ADGRG6: variants seen among roughly 807,000 people sequenced by gnomAD.
ADGRG6 encodes the protein G-protein coupled receptor 126.
In ADGRG6, 84 loss-of-function variants were observed where a neutral mutation model predicts 142.4. That is an observed-to-expected ratio of 0.59 (90% CI 0.49 to 0.71). The LOEUF is 0.71. Ranked by LOEUF, ADGRG6 falls within the 30% of genes least tolerant of loss-of-function variation. The pLI is 0.00. For missense variants in ADGRG6, 1,367 were observed against 1,466.6 expected (o/e 0.93, Z 1.11); for synonymous variants, 521 against 520.5 (o/e 1.00, Z -0.01).
intron 22 of ADGRG6, among the ~76,000 whole-genome samples, chr6:142,422,587 C>T: frequency 1.3e-5 from 2 of 151,532 alleles, no homozygotes; most frequent in Non-Finnish European, 2.9e-5. Context: ...GGGTTGGTTC[C>T]AAGTCTTTGC....
At chr6:142,319,415 G>A (rs1778410752) in intron 2 of ADGRG6, among the ~76,000 whole-genome samples, 1 of 152,146 alleles carries the variant, frequency 6.6e-6, no homozygotes, top group African/African-American at 2.4e-5. Flanking sequence ...GCTTAAGGGT[G>A]AAATTGTGTG....
intron 2 of ADGRG6, among the ~76,000 whole-genome samples, chr6:142,314,981 T>TGTGTGTGTGTGTGTGTGTGTGA (rs1562303361): frequency 6.6e-6 from 1 of 151,032 alleles, no homozygotes; most frequent in East Asian, 2.0e-4. Flanking sequence ...AGTGTGTGTG[T>TGTGTGTGTGTGTGTGTGTGTGA]GTGTGTGTGT....
chr6:142,320,307 T>A (rs1443794935), intron 2 of ADGRG6, among the ~76,000 whole-genome samples: 1 of 152,052 alleles, frequency 6.6e-6, no homozygotes, highest in East Asian at 1.9e-4. Flanking sequence ...AATGTGCCTT[T>A]GAGAAAATAC....
chr6:142,393,005 G>A lies in ADGRG6; in HGVS notation c.1361+5G>A. On this transcript the variant is annotated splice_donor_5th_base_variant and intron_variant, in intron 8 of 24. Coordinates refer to ENST00000367609, the MANE Select transcript of ADGRG6 (RefSeq NM_198569.3). Reference sequence around the variant, plus strand: ...GGTTTATGTCGTTAATATCAGGTAAGACAGAATAAATTATTTGATAAATTA... The same window carrying A: ...GGTTTATGTCGTTAATATCAGGTAAAACAGAATAAATTATTTGATAAATTA... 6.9e-7 allele frequency: 1 copy of A among 1,459,478 alleles called. No homozygotes were observed. The highest frequency in any genetic ancestry group is 1.2e-5 in the South Asian group (1 of 86,316). The allele number at this position is 1,459,478 out of a possible 1,614,324, so 90.4% of individuals were successfully genotyped here.
chr6:142,402,752 C>A lies in ADGRG6; in HGVS notation c.1877C>A (p.Thr626Lys), dbSNP rs1188797700. ...AATAAAGAAGAAAACATTGATATAACACTTGGCTCAACTCTAATGAATATA... is the reference window on the plus strand; with the variant it reads ...AATAAAGAAGAAAACATTGATATAAAACTTGGCTCAACTCTAATGAATATA... Reference protein sequence around the residue: ...IVNKEENIDITLGSTLMNIFS... With the variant: ...IVNKEENIDIKLGSTLMNIFS... Residue 626 changes from threonine to lysine, a missense_variant, in exon 13 of 25, where the codon ACA (threonine) becomes AAA (lysine). This residue lies in a region of ADGRG6 where 737 missense variants were observed against 746.5 expected (regional missense o/e 0.99). Coordinates refer to ENST00000367609, the MANE Select transcript of ADGRG6 (RefSeq NM_198569.3). The A allele has an allele frequency of 6.3e-7, 1 of 1,598,382 alleles. No individual in the cohort carries two copies. Among genetic ancestry groups the A allele is most frequent in the Non-Finnish European group, 8.6e-7 (1 of 1,166,444 alleles).
At chr6:142,340,229 T>C (rs919978184) in intron 2 of ADGRG6, among the ~76,000 whole-genome samples, 1 of 152,148 alleles carries the variant, frequency 6.6e-6, no homozygotes, top group Non-Finnish European at 1.5e-5. Context: ...CAAGTTATTT[T>C]GCAAGAAAGA....
intron 12 of ADGRG6, 67 bp from the exon 13 acceptor site, chr6:142,402,553 G>T: frequency 1.2e-6 from 1 of 818,442 alleles, no homozygotes; most frequent in Admixed American, 2.3e-5. Flanking sequence ...ACTCTACTTT[G>T]GATTCCTGGA....
At chr6:142,334,601 T>C (rs1213799746) in intron 2 of ADGRG6, among the ~76,000 whole-genome samples, 1 of 152,164 alleles carries the variant, frequency 6.6e-6, no homozygotes, top group Non-Finnish European at 1.5e-5. Context: ...CCCAAAGTAA[T>C]GAGCTTCCTG....
At chr6:142,390,089 T>G (rs1487607581) in intron 6 of ADGRG6, among the ~76,000 whole-genome samples, 169 bp from the exon 7 acceptor site, 1 of 151,828 alleles carries the variant, frequency 6.6e-6, no homozygotes. Context: ...TTTCAGAACT[T>G]TTTTTGCCTA....
intron 2 of ADGRG6, among the ~76,000 whole-genome samples, chr6:142,336,357 A>G (rs533865839): frequency 5.9e-5 from 9 of 152,324 alleles, no homozygotes; most frequent in African/African-American, 1.9e-4. Context: ...ATTTTTGTTT[A>G]GTAATTCAGA....
At chr6:142,304,445 A>G (rs971682298) in intron 1 of ADGRG6, among the ~76,000 whole-genome samples, 1 of 152,184 alleles carries the variant, frequency 6.6e-6, no homozygotes, top group Non-Finnish European at 1.5e-5. Context: ...TTTATGGCTT[A>G]TATAAATTAC....
intron 2 of ADGRG6, among the ~76,000 whole-genome samples, chr6:142,317,193 A>G (rs536052834): frequency 3.5e-4 from 53 of 152,192 alleles, no homozygotes; most frequent in African/African-American, 1.2e-3. Flanking sequence ...ATTACTTCTC[A>G]TCATCTGACT....
At chr6:142,315,283 C>A (rs1425362697) in intron 2 of ADGRG6, among the ~76,000 whole-genome samples, 3 of 151,806 alleles carry the variant, frequency 2.0e-5, no homozygotes, top group Non-Finnish European at 4.4e-5. Flanking sequence ...AGAATATGTG[C>A]TCTTTGGCAC....
intron 2 of ADGRG6, among the ~76,000 whole-genome samples, chr6:142,331,034 C>T (rs903569888): frequency 2.6e-5 from 4 of 151,666 alleles, no homozygotes; most frequent in African/African-American, 9.7e-5. Context: ...CTGAAGTCAC[C>T]GACTGGGGCC....
intron 2 of ADGRG6, among the ~76,000 whole-genome samples, chr6:142,340,019 G>T (rs9403381): frequency 0.35 from 53,328 of 151,852 alleles, 10,231 homozygotes; most frequent in African/African-American, 0.52. Context: ...AATTAGATAG[G>T]GCTAAGCTAC....
At chr6:142,329,998 C>G (rs1173169654) in intron 2 of ADGRG6, among the ~76,000 whole-genome samples, 2 of 152,026 alleles carry the variant, frequency 1.3e-5, no homozygotes, top group African/African-American at 4.8e-5. Flanking sequence ...TTAGTCTCTA[C>G]TAGGCTCTGG....
At chr6:142,336,312 A>G (rs1779313457) in intron 2 of ADGRG6, among the ~76,000 whole-genome samples, 1 of 152,222 alleles carries the variant, frequency 6.6e-6, no homozygotes, top group African/African-American at 2.4e-5. Context: ...TCTCTGAAAT[A>G]CTGTTATGTG....
chr6:142,370,474 T>C lies in ADGRG6; in HGVS notation c.750T>C (p.Phe250=). ...KEKEDIFAES[F]EQLCLVWNNS... Reference sequence around the variant, plus strand: ...AAGAAGACATTTTTGCAGAAAGCTTTGAACAGCTCTGCCTTGTTTGGAATA... The same window carrying C: ...AAGAAGACATTTTTGCAGAAAGCTTCGAACAGCTCTGCCTTGTTTGGAATA... Residue 250 remains phenylalanine (F), a synonymous_variant, in exon 4 of 25, where the codon TTT becomes TTC. Transcript: ENST00000367609. 6.2e-7 allele frequency: 1 copy of C among 1,613,314 alleles called. No homozygotes were observed. Among genetic ancestry groups the C allele is most frequent in the Non-Finnish European group, 8.5e-7 (1 of 1,179,262 alleles).
chr6:142,370,862 A>G (rs1781212045), intron 4 of ADGRG6, 69 bp downstream of exon 4: 1 of 1,424,242 alleles, frequency 7.0e-7, no homozygotes, highest in African/African-American at 1.4e-5. Context: ...TTGTCAACAA[A>G]GAATTATACA....
Sources: allele counts gnomAD v4.1 joint callset (sites outside exome capture counted in the v4.1 genomes callset), GRCh38; gene constraint gnomAD v4.1.1; regional missense constraint gnomAD v4.1.1; transcripts MANE v1.5; gene names NCBI Gene and HGNC (gene_info 2026-07-23, HGNC 2026-07-21).